Variants in PCDHGA10 observed in about 807,000 individuals in gnomAD.
The protein encoded by PCDHGA10 is protocadherin gamma-A10.
A neutral mutation model predicts 59.5 loss-of-function variants in PCDHGA10; 42 were observed. The observed-to-expected ratio is 0.71, with a 90% CI of 0.55 to 0.91. The LOEUF is 0.91. Ranked by LOEUF, PCDHGA10 falls within the 40% of genes least tolerant of loss-of-function variation. The pLI is 0.00. For synonymous variants in PCDHGA10, 511 were observed against 517.2 expected (o/e 0.99, Z 0.16); for missense variants, 1,111 against 1,198.2 (o/e 0.93, Z 1.07).
chr5:141,418,776 C>G (rs763308217), intron 1 of PCDHGA10: 1 of 1,613,806 alleles, frequency 6.2e-7, no homozygotes, highest in East Asian at 2.2e-5. Flanking sequence ...ACTCAGCAGC[C>G]TTTGGATTTT....
Position 141,477,187 on chromosome 5 carries a change from G to A in PCDHGA10, c.2437-17620G>A, listed in dbSNP as rs2154575648. ...CCCCGGAGATCACAGTCACCTCCGT[G>A]TACAGCCCAGTACCCGAGGATGCCC... On this transcript the variant is annotated intron_variant, in intron 1 of 3. Coordinates refer to ENST00000398610, the MANE Select transcript of PCDHGA10 (RefSeq NM_018913.3). The surrounding 1 kb of genome is among the most constrained non-coding windows in gnomAD (Gnocchi z 4.9). The A allele has an allele frequency of 6.2e-7, 1 of 1,614,190 alleles. No individual in the cohort carries two copies. The highest frequency in any genetic ancestry group is 2.2e-5 in the East Asian group (1 of 44,874).
In PCDHGA10 at chr5:141,477,155, G is replaced by A. The variant is rs2099406190; in HGVS notation, c.2437-17652G>A. ...GTTGGTGGAGGTTGTGGATGTGAATGACAACGCCCCGGAGATCACAGTCAC... is the reference window on the plus strand; with the variant it reads ...GTTGGTGGAGGTTGTGGATGTGAATAACAACGCCCCGGAGATCACAGTCAC... On this transcript the variant is annotated intron_variant, in intron 1 of 3. Coordinates refer to ENST00000398610, the MANE Select transcript of PCDHGA10 (RefSeq NM_018913.3). The surrounding 1 kb of genome is among the most constrained non-coding windows in gnomAD (Gnocchi z 4.9). The A allele has an allele frequency of 6.2e-7, 1 of 1,614,190 alleles. No individual in the cohort carries two copies. The highest frequency in any genetic ancestry group is 8.5e-7 in the Non-Finnish European group (1 of 1,180,042).
At position 141,415,377 on chromosome 5, in the gene PCDHGA10, C is replaced by T. The variant is rs774655293; in HGVS notation, c.2202C>T (p.Gly734=). Residue 734 remains glycine, a synonymous_variant, in exon 1 of 4, where the codon GGC becomes GGT. Coordinates refer to ENST00000398610, the MANE Select transcript of PCDHGA10 (RefSeq NM_018913.3). Reference sequence around the variant, plus strand: ...CACGCCTGCTGCAGGCTTCAGGAGGCGGCTTGACAGGTGTGTCCGGCTCGC... The same window carrying T: ...CACGCCTGCTGCAGGCTTCAGGAGGTGGCTTGACAGGTGTGTCCGGCTCGC... ...HKSRLLQASG[G]GLTGVSGSHF... is the part of the protein sequence containing the mutation. 2 of 1,614,118 alleles carry T rather than the reference C, an allele frequency of 1.2e-6. No individual in the cohort carries two copies. The highest frequency in any genetic ancestry group is 2.7e-5 in the African/African-American group (2 of 74,958).
At chr5:141,467,018 CTTTGT>C (rs1209768587) in intron 1 of PCDHGA10, among the ~76,000 whole-genome samples, 4 of 149,992 alleles carry the variant, frequency 2.7e-5, no homozygotes, top group African/African-American at 7.3e-5. Context: ...ATTTTTTTCC[CTTTGT>C]TTTTGTTTTT....
At chr5:141,488,020 T>C (rs985558790) in intron 1 of PCDHGA10, among the ~76,000 whole-genome samples, 3 of 152,174 alleles carry the variant, frequency 2.0e-5, no homozygotes, top group African/African-American at 7.2e-5. Context: ...GTACCTTAAC[T>C]CTAGGTTACC....
chr5:141,479,020 T>C (rs961123768), intron 1 of PCDHGA10, among the ~76,000 whole-genome samples: 1 of 152,236 alleles, frequency 6.6e-6, no homozygotes, highest in African/African-American at 2.4e-5. Flanking sequence ...ATAATTTTCC[T>C]TTGTTTATAC....
chr5:141,429,048 G>A (rs2097180589), intron 1 of PCDHGA10: 5 of 152,064 alleles, frequency 3.3e-5, no homozygotes, highest in Admixed American at 3.3e-4. Context: ...TACAGACGGG[G>A]TTTCACCGTG....
intron 3 of PCDHGA10, among the ~76,000 whole-genome samples, chr5:141,510,272 T>TA (rs546154379): frequency 0.17 from 22,022 of 130,294 alleles, 2,255 homozygotes; most frequent in African/African-American, 0.28. Flanking sequence ...GACTCCATCT[T>TA]AAAAAAAAAA....
At chr5:141,459,603 A>G (rs867387156) in intron 1 of PCDHGA10, among the ~76,000 whole-genome samples, 1 of 152,244 alleles carries the variant, frequency 6.6e-6, no homozygotes, top group Non-Finnish European at 1.5e-5. Flanking sequence ...AATGGGAAGT[A>G]TATGCTTAAC....
chr5:141,489,238 G>A lies in PCDHGA10; in HGVS notation c.2437-5569G>A. On this transcript the variant is annotated intron_variant, in intron 1 of 3. Coordinates refer to ENST00000398610, the MANE Select transcript of PCDHGA10 (RefSeq NM_018913.3). The surrounding 1 kb of genome is among the most constrained non-coding windows in gnomAD (Gnocchi z 4.5). ...TTACTCTCCACAAAGGGACTTCTGG[G>A]TCATGGGGCCCAAGACACTCCCACA... 6.5e-7 allele frequency: 1 copy of A among 1,534,146 alleles called. No homozygotes were observed.
chr5:141,421,054 A>G, intron 1 of PCDHGA10: 3 of 571,978 alleles, frequency 5.2e-6, no homozygotes, highest in Non-Finnish European at 9.0e-6. Context: ...CGCCTCTACC[A>G]CACAAAGCGG....
intron 1 of PCDHGA10, chr5:141,419,843 C>T: frequency 6.2e-7 from 1 of 1,614,070 alleles, no homozygotes; most frequent in Non-Finnish European, 8.5e-7. Flanking sequence ...CACGCTGCAC[C>T]TGGTGTTCGC....
chr5:141,484,552 G>T (rs2099597743), intron 1 of PCDHGA10, among the ~76,000 whole-genome samples: 1 of 152,138 alleles, frequency 6.6e-6, no homozygotes, highest in African/African-American at 2.4e-5. Context: ...CTAATTAGCA[G>T]TTGCTCCAAT....
chr5:141,487,890 G>C lies in PCDHGA10; in HGVS notation c.2437-6917G>C. 3 of 745,430 alleles carry C rather than the reference G, an allele frequency of 4.0e-6. No homozygotes were observed. Among genetic ancestry groups the C allele is most frequent in the Non-Finnish European group, 6.5e-6 (3 of 462,522 alleles). The allele number at this position is 745,430 out of a possible 1,614,324, so 46.2% of individuals were successfully genotyped here. A position where few individuals can be genotyped will look rare whatever the true frequency, so the allele number is the denominator to read the frequency against. On this transcript the variant is annotated intron_variant, in intron 1 of 3. Coordinates refer to ENST00000398610, the MANE Select transcript of PCDHGA10 (RefSeq NM_018913.3). This position sits in a 1 kb window ranked among gnomAD's most constrained non-coding sequence, Gnocchi z 5.0. ...AAGAGCCAGGCTGTTGTGGAAGCAT[G>C]ATGATGGAATGTGGGAGCACAGGAG...
chr5:141,420,910 G>T, intron 1 of PCDHGA10: 1 of 311,900 alleles, frequency 3.2e-6, no homozygotes, highest in South Asian at 7.0e-5. Context: ...ACAAATACGT[G>T]TGATTCACAA....
At chr5:141,417,585 G>T in intron 1 of PCDHGA10, 1 of 462,794 alleles carries the variant, frequency 2.2e-6, no homozygotes, top group South Asian at 4.9e-5. Context: ...GTCCCACACA[G>T]AGCCTCTGGG....
chr5:141,448,894 G>A (rs2098614669), intron 1 of PCDHGA10, among the ~76,000 whole-genome samples: 2 of 152,098 alleles, frequency 1.3e-5, no homozygotes, highest in South Asian at 4.1e-4. Context: ...GCAGTGAGCC[G>A]AGATCGTGCC....
Position 141,490,148 on chromosome 5 carries a change from A to T in PCDHGA10, c.2437-4659A>T. On this transcript the variant is annotated intron_variant, in intron 1 of 3. Transcript: ENST00000398610. This position sits in a 1 kb window ranked among gnomAD's most constrained non-coding sequence, Gnocchi z 5.4. The stretch of plus-strand genomic sequence containing the variant: ...CTAGACCCTAGCAGTGGGGCAATCC[A>T]TGTGTTGGGTCCCATAGACTTTGAG... The T allele has an allele frequency of 6.2e-7, 1 of 1,614,232 alleles. No homozygotes were observed. The highest frequency in any genetic ancestry group is 1.3e-5 in the African/African-American group (1 of 75,068).
At chr5:141,458,359 A>C (rs2098943826) in intron 1 of PCDHGA10, among the ~76,000 whole-genome samples, 1 of 152,142 alleles carries the variant, frequency 6.6e-6, no homozygotes, top group Non-Finnish European at 1.5e-5. Context: ...AATAAGCAAG[A>C]AGGAAGGGAG....
Sources: gnomAD v4.1 joint callset for allele counts (sites outside exome capture counted in the v4.1 genomes callset) on GRCh38, gnomAD v4.1.1 for gene constraint, Gnocchi (gnomAD v3.1) non-coding constraint, MANE v1.5 for transcripts, NCBI Gene and HGNC (gene_info 2026-07-23, HGNC 2026-07-21) for gene names.